GRIA3: variants seen among roughly 807,000 people sequenced by gnomAD.
GRIA3 encodes glutamate receptor 3.
In GRIA3, 3 loss-of-function variants were observed where a neutral mutation model predicts 63.0. That is an observed-to-expected ratio of 0.05 (90% CI 0.02 to 0.12). The LOEUF (loss-of-function observed/expected upper bound fraction) is 0.12. GRIA3 is among the 10% of genes least tolerant of loss of function. The probability of loss-of-function intolerance (pLI) is 1.00; values close to 1 mark genes in which losing one functional copy is unlikely to be tolerated. For synonymous variants in GRIA3, 274 were observed against 257.9 expected (o/e 1.06, Z -0.60); for missense variants, 347 against 700.9 (o/e 0.50, Z 5.70).
chrX:123,253,792 G>T, intron 3 of GRIA3: 1 of 327,147 alleles, frequency 3.1e-6, no homozygotes. Flanking sequence ...AGTCACCATA[G>T]TTGAAAAAGA....
chrX:123,186,007 T>C lies in GRIA3; in HGVS notation c.268+17T>C. On this transcript the variant is annotated intron_variant, in intron 2 of 15. Transcript: ENST00000620443. ...CAAATGCTTGTAAGTAGATCTGCTT[T>C]TCCTCCCTTTGGGACGTTGGGGACC... The C allele has an allele frequency of 8.4e-7, 1 of 1,191,238 alleles. No homozygotes were observed. The highest frequency in any genetic ancestry group is 1.8e-5 in the South Asian group (1 of 56,442).
At chrX:123,349,011 G>A (rs1233376688) in intron 4 of GRIA3, among the ~76,000 whole-genome samples, 1 of 111,978 alleles carries the variant, frequency 8.9e-6, no homozygotes, top group African/African-American at 3.2e-5. Context: ...GTGACACCTA[G>A]ATGAATACAT....
At chrX:123,451,786 G>T (rs2045733824) in intron 12 of GRIA3, among the ~76,000 whole-genome samples, 1 of 109,659 alleles carries the variant, frequency 9.1e-6, no homozygotes, top group Admixed American at 9.9e-5. Context: ...AAGCAGGGGT[G>T]GGGGAGAATC....
In GRIA3 at chrX:123,184,534, G is replaced by C. The variant is rs1276003103; in HGVS notation, c.-2G>C. The C allele has an allele frequency of 1.7e-6, 2 of 1,196,797 alleles. No individual in the cohort carries two copies. The highest frequency in any genetic ancestry group is 3.5e-5 in the African/African-American group (2 of 56,467). ...TCTTGTCAGCTTCGTTTTAGGCGTA[G>C]CATGGCCAGGCAGAAGAAAATGGGG... On this transcript the variant is annotated 5_prime_UTR_variant, in exon 1 of 16. Transcript: ENST00000620443.
chrX:123,374,551 C>T (rs1274862456), intron 5 of GRIA3, among the ~76,000 whole-genome samples: 1 of 111,744 alleles, frequency 8.9e-6, no homozygotes, highest in Admixed American at 9.5e-5. Flanking sequence ...TTTTGTAGTT[C>T]TCCTTGAAGA....
chrX:123,366,718 G>GCTAGCTGACTC lies in GRIA3; in HGVS notation c.750+11757_750+11767dup, dbSNP rs763675050. Among the ~76,000 whole-genome samples the GCTAGCTGACTC allele has an allele frequency of 4.9e-3, 543 of 111,783 alleles. 2 individuals carry two copies. Among genetic ancestry groups the GCTAGCTGACTC allele is most frequent in the Non-Finnish European group, 8.2e-3 (436 of 53,164 alleles). ...GTTGGAACCAAGCTGATATGGGGTT[G>GCTAGCTGACTC]CTAGCTGACTCCAGTATGTAAGGCA... On this transcript the variant is annotated intron_variant, in intron 5 of 15. Coordinates refer to ENST00000620443, the MANE Select transcript of GRIA3 (RefSeq NM_007325.5).
chrX:123,330,376 C>G (rs1026257848), intron 4 of GRIA3, among the ~76,000 whole-genome samples: 6 of 111,961 alleles, frequency 5.4e-5, no homozygotes, highest in Non-Finnish European at 9.4e-5. Flanking sequence ...CTTCTGATTC[C>G]TCATACAGTT....
At chrX:123,198,480 TAGTC>T in intron 2 of GRIA3, among the ~76,000 whole-genome samples, 1 of 112,280 alleles carries the variant, frequency 8.9e-6, no homozygotes, top group Middle Eastern at 4.6e-3. Flanking sequence ...GGAATAGAAT[TAGTC>T]AGAACCAAAC....
At chrX:123,239,762 A>T (rs2044319949) in intron 2 of GRIA3, among the ~76,000 whole-genome samples, 1 of 112,308 alleles carries the variant, frequency 8.9e-6, no homozygotes, top group African/African-American at 3.2e-5. Context: ...TGGACAATTA[A>T]ATGTTGCACT....
intron 2 of GRIA3, among the ~76,000 whole-genome samples, chrX:123,200,600 CACAT>C (rs200737408): frequency 3.7e-5 from 3 of 80,124 alleles, no homozygotes; most frequent in African/African-American, 9.6e-5. Context: ...TACACACACA[CACAT>C]ACATACACAC....
intron 2 of GRIA3, among the ~76,000 whole-genome samples, chrX:123,191,513 T>C (rs1397927539): frequency 2.7e-5 from 3 of 111,821 alleles, no homozygotes; most frequent in Non-Finnish European, 5.6e-5. Context: ...TGACAAAGGT[T>C]AACATGGATA....
rs190350741 is a variant in GRIA3 at position 123,430,804 on chromosome X, A to G, written c.2076+2665A>G. ...TTGAGACCAGCCTGGTCAACACGGT[A>G]AAACCCTGTCTCTACTAAAAATACA... On this transcript the variant is annotated intron_variant, in intron 12 of 15. Coordinates refer to ENST00000620443, the MANE Select transcript of GRIA3 (RefSeq NM_007325.5). 4.2e-3 allele frequency among the ~76,000 whole-genome samples: 469 copies of G among 110,553 alleles called. 1 individual carries two copies. Among genetic ancestry groups the G allele is most frequent in the African/African-American group, 0.015 (449 of 30,355 alleles).
Position 123,326,087 on chromosome X carries a change from A to G in GRIA3, c.570A>G (p.Ala190=), listed in dbSNP as rs768721354. 2.5e-6 allele frequency: 3 copies of G among 1,208,229 alleles called. No individual in the cohort carries two copies. The South Asian group carries it at 5.3e-5, about 21-fold the overall frequency. The part of the protein sequence containing the change: ...AAVQNNWQVT[A]RSVGNIKDVQ... ...TGCAAAACAACTGGCAAGTAACAGC[A>G]AGGTCTGTGGGAAACATAAAGGACG... The change falls in exon 4 of 16, where the codon GCA becomes GCG. Residue 190 remains alanine (A), a synonymous_variant. Coordinates refer to ENST00000620443, the MANE Select transcript of GRIA3 (RefSeq NM_007325.5).
rs756510533 is a variant in GRIA3 at position 123,324,547 on chromosome X, G to C, written c.509-1479G>C. On this transcript the variant is annotated intron_variant, in intron 3 of 15. Coordinates refer to ENST00000620443, the MANE Select transcript of GRIA3 (RefSeq NM_007325.5). ...TCCCCTCAACTCCCACTGAAGCAGAGAGCACATCAACAACCCACACGAAAA... is the reference window on the plus strand; with the variant it reads ...TCCCCTCAACTCCCACTGAAGCAGACAGCACATCAACAACCCACACGAAAA... Among the ~76,000 whole-genome samples, 7 of 111,865 alleles carry C rather than the reference G, an allele frequency of 6.3e-5. No homozygotes were observed. The South Asian group carries it at 2.2e-3, about 36-fold the overall frequency.
chrX:123,484,331 G>A (rs189159421), intron 15 of GRIA3, among the ~76,000 whole-genome samples: 2 of 112,655 alleles, frequency 1.8e-5, no homozygotes, highest in African/African-American at 6.4e-5. Flanking sequence ...ATCTGAAGTG[G>A]AACAGAACAA....
At chrX:123,205,545 T>C (rs1421870243) in intron 2 of GRIA3, among the ~76,000 whole-genome samples, 1 of 111,765 alleles carries the variant, frequency 8.9e-6, no homozygotes, top group East Asian at 2.8e-4. Flanking sequence ...AATGAAGCAC[T>C]CCTAAAAGTA....
chrX:123,372,704 T>G (rs1270169194), intron 5 of GRIA3, among the ~76,000 whole-genome samples: 1 of 111,484 alleles, frequency 9.0e-6, no homozygotes, highest in Non-Finnish European at 1.9e-5. Context: ...ATGCTACTGA[T>G]TTTCATATGT....
intron 2 of GRIA3, among the ~76,000 whole-genome samples, chrX:123,231,198 G>A (rs945754579): frequency 4.5e-5 from 5 of 112,004 alleles, no homozygotes; most frequent in African/African-American, 1.6e-4. Flanking sequence ...ATCCCAGGCA[G>A]TTTAACAGAA....
intron 2 of GRIA3, among the ~76,000 whole-genome samples, chrX:123,243,237 A>G: frequency 8.9e-6 from 1 of 112,499 alleles, no homozygotes; most frequent in Non-Finnish European, 1.9e-5. Flanking sequence ...ATACAGCAGC[A>G]AGAAAAGTCT....
Sources: allele counts gnomAD v4.1 joint callset (sites outside exome capture counted in the v4.1 genomes callset), GRCh38; gene constraint gnomAD v4.1.1; transcripts MANE v1.5; gene names NCBI Gene and HGNC (gene_info 2026-07-23, HGNC 2026-07-21).